Variants in CREB5 observed in about 807,000 individuals in gnomAD.
CREB5 encodes the protein cyclic AMP-responsive element-binding protein 5.
In CREB5, 19 loss-of-function variants were observed where a neutral mutation model predicts 57.1. The observed-to-expected ratio is 0.33, with a 90% confidence interval of 0.23 to 0.49. The LOEUF (loss-of-function observed/expected upper bound fraction) is 0.49. Ranked by LOEUF, CREB5 falls within the 20% of genes least tolerant of loss-of-function variation. The pLI, the probability that CREB5 is intolerant of heterozygous loss-of-function variation, is 0.99. For synonymous variants in CREB5, 238 were observed against 238.3 expected (o/e 1.00, Z 0.01); for missense variants, 579 against 671.6 (o/e 0.86, Z 1.52).
intron 3 of CREB5, among the ~76,000 whole-genome samples, chr7:28,504,795 G>T (rs1031255625): frequency 6.6e-6 from 1 of 152,172 alleles, no homozygotes; most frequent in Non-Finnish European, 1.5e-5. Context: ...TCACTGTCTT[G>T]CATATCCTTG....
chr7:28,555,130 TAAA>T (rs1249534650), intron 4 of CREB5, among the ~76,000 whole-genome samples: 1 of 152,118 alleles, frequency 6.6e-6, no homozygotes, highest in Non-Finnish European at 1.5e-5. Flanking sequence ...TGTGTGTAAA[TAAA>T]AAGCTTCCTG....
intron 5 of CREB5, among the ~76,000 whole-genome samples, chr7:28,651,243 A>T (rs1799118599): frequency 6.6e-6 from 1 of 152,200 alleles, no homozygotes; most frequent in Non-Finnish European, 1.5e-5. Context: ...ATAGAAGAAT[A>T]CTACTGTTGC....
intron 7 of CREB5, among the ~76,000 whole-genome samples, chr7:28,803,668 A>C (rs889595608): frequency 3.3e-5 from 5 of 150,678 alleles, no homozygotes; most frequent in Non-Finnish European, 7.4e-5. Context: ...GAGGCAGAGA[A>C]TTGCTTGAAG....
chr7:28,478,579 T>C (rs1217914746), intron 1 of CREB5, among the ~76,000 whole-genome samples: 1 of 151,980 alleles, frequency 6.6e-6, no homozygotes, highest in Non-Finnish European at 1.5e-5. Context: ...TATTTAAGTA[T>C]AAAAAAAGAA....
intron 5 of CREB5, among the ~76,000 whole-genome samples, chr7:28,632,139 A>G (rs982690921): frequency 3.3e-4 from 50 of 152,172 alleles, no homozygotes; most frequent in African/African-American, 1.2e-3. Flanking sequence ...ATTCCAACCC[A>G]GTGAAGTTTG....
rs1221560887 is a variant in CREB5 at position 28,821,819 on chromosome 7, A to T, written c.*2540A>T. The stretch of plus-strand genomic sequence containing the variant: ...TTTTTTAATTTTTAATTTTTATGTT[A>T]TGTTTTGCTTTGTTTTAAGTAAACA... On this transcript the variant is annotated 3_prime_UTR_variant, in exon 11 of 11. Transcript: ENST00000357727. 1 of 152,578 alleles carries T rather than the reference A, an allele frequency of 6.6e-6. No homozygotes were observed. Among genetic ancestry groups the T allele is most frequent in the East Asian group, 1.9e-4 (1 of 5,198 alleles). The allele number at this position is 152,578 out of a possible 1,614,324, so 9.5% of individuals were successfully genotyped here.
intron 1 of CREB5, among the ~76,000 whole-genome samples, chr7:28,363,227 T>C (rs1378632100): frequency 6.6e-6 from 1 of 152,160 alleles, no homozygotes; most frequent in Non-Finnish European, 1.5e-5. Context: ...TCACTTTTCT[T>C]CCCCTGTCTT....
At chr7:28,804,791 T>G (rs763580871) in intron 8 of CREB5, among the ~76,000 whole-genome samples, 9 of 152,230 alleles carry the variant, frequency 5.9e-5, no homozygotes, top group Non-Finnish European at 1.3e-4. Context: ...ATTTTTGCAG[T>G]GTGTCAGAAA....
chr7:28,446,555 G>A (rs552114298), intron 1 of CREB5, among the ~76,000 whole-genome samples: 1 of 152,258 alleles, frequency 6.6e-6, no homozygotes, highest in Admixed American at 6.5e-5. Context: ...CACTTTGAGA[G>A]GCTGAGGTGG....
At chr7:28,639,645 C>G (rs10246106) in intron 5 of CREB5, among the ~76,000 whole-genome samples, 80 of 152,250 alleles carry the variant, frequency 5.3e-4, no homozygotes, top group African/African-American at 1.8e-3. Flanking sequence ...ACCCAAAGAC[C>G]TCACAAGGAC....
chr7:28,466,650 A>G (rs1790584256), intron 1 of CREB5, among the ~76,000 whole-genome samples: 1 of 152,092 alleles, frequency 6.6e-6, no homozygotes, highest in South Asian at 2.1e-4. Context: ...CATCCCAAAT[A>G]TGCCCTGAAT....
intron 7 of CREB5, among the ~76,000 whole-genome samples, chr7:28,756,895 A>T (rs1805347011): frequency 6.6e-6 from 1 of 152,186 alleles, no homozygotes; most frequent in African/African-American, 2.4e-5. Context: ...GGGTGTTTAA[A>T]TTGCTGGTTA....
At chr7:28,607,267 G>A (rs1479993690) in intron 5 of CREB5, among the ~76,000 whole-genome samples, 2 of 152,238 alleles carry the variant, frequency 1.3e-5, no homozygotes, top group East Asian at 3.9e-4. Context: ...CTGAGCTTGT[G>A]GATAAAACTA....
At chr7:28,514,489 G>A (rs1306473360) in intron 4 of CREB5, among the ~76,000 whole-genome samples, 2 of 152,092 alleles carry the variant, frequency 1.3e-5, no homozygotes, top group Non-Finnish European at 2.9e-5. Flanking sequence ...TCCGCCTCCC[G>A]GGTTCACGCC....
intron 2 of CREB5, among the ~76,000 whole-genome samples, chr7:28,492,295 C>T (rs1791840031): frequency 6.6e-6 from 1 of 152,154 alleles, no homozygotes; most frequent in African/African-American, 2.4e-5. Context: ...CCACCGTGGC[C>T]ACGTGGGAGA....
chr7:28,533,295 C>T (rs1793809818), intron 4 of CREB5, among the ~76,000 whole-genome samples: 1 of 151,710 alleles, frequency 6.6e-6, no homozygotes, highest in Non-Finnish European at 1.5e-5. Context: ...AAATCTACCT[C>T]CCTTAACCTT....
At chr7:28,474,279 T>C (rs1010605577) in intron 1 of CREB5, among the ~76,000 whole-genome samples, 22 of 152,154 alleles carry the variant, frequency 1.4e-4, no homozygotes, top group African/African-American at 4.6e-4. Context: ...GACTTCAGGG[T>C]GCGTGCTGGG....
At chr7:28,732,843 G>GTGTTT (rs1803737796) in intron 7 of CREB5, among the ~76,000 whole-genome samples, 1 of 141,496 alleles carries the variant, frequency 7.1e-6, no homozygotes. Context: ...GTTTAGGGTT[G>GTGTTT]TTTTTTTTTT....
At chr7:28,629,774 G>A (rs1798135317) in intron 5 of CREB5, among the ~76,000 whole-genome samples, 1 of 152,162 alleles carries the variant, frequency 6.6e-6, no homozygotes, top group Admixed American at 6.5e-5. Flanking sequence ...GTTAATTTTT[G>A]TTTGTCAGAG....
Sources: allele counts gnomAD v4.1 joint callset (sites outside exome capture counted in the v4.1 genomes callset), GRCh38; gene constraint gnomAD v4.1.1; transcripts MANE v1.5; gene names NCBI Gene and HGNC (gene_info 2026-07-23, HGNC 2026-07-21).